Variants in CCT4 observed in about 807,000 individuals in gnomAD.
CCT4 encodes the protein T-complex protein 1 subunit delta.
A neutral mutation model predicts 62.5 loss-of-function variants in CCT4; 17 were observed. That is an observed-to-expected ratio of 0.27 (90% confidence interval 0.19 to 0.41). The LOEUF (loss-of-function observed/expected upper bound fraction) is 0.41, where lower values mean the gene tolerates loss of function less well. Ranked by LOEUF, CCT4 falls within the 10% of genes least tolerant of loss-of-function variation. The pLI, the probability that CCT4 is intolerant of heterozygous loss-of-function variation, is 1.00. For missense variants in CCT4, 592 were observed against 659.2 expected (o/e 0.90, Z 1.12); for synonymous variants, 250 against 229.9 (o/e 1.09, Z -0.79).
In CCT4 at chr2:61,883,507, A is replaced by G. The variant is rs762244363; in HGVS notation, c.222T>C (p.Gly74=). 26 of 1,602,270 alleles carry G rather than the reference A, an allele frequency of 1.6e-5. No individual in the cohort carries two copies. Among genetic ancestry groups the G allele is most frequent in the Non-Finnish European group, 2.1e-5 (25 of 1,175,036 alleles). Reference sequence around the variant, plus strand: ...CTTGCATTTGTTTCAGAATGGTAGCACCATCATTTGTAATGGTTACATCAC... The same window carrying G: ...CTTGCATTTGTTTCAGAATGGTAGCGCCATCATTTGTAATGGTTACATCAC... The part of the protein sequence containing the change: ...GKGDVTITND[G]ATILKQMQVL... The change falls in exon 3 of 14, where the codon GGT becomes GGC. Residue 74 remains glycine, a synonymous_variant. Coordinates refer to ENST00000394440, the MANE Select transcript of CCT4 (RefSeq NM_006430.4).
Position 61,888,470 on chromosome 2 carries a change from G to T in CCT4, c.38C>A (p.Ala13Asp). ...TTTCCCGCGGCCGCCGGCAGCCCCG[G>T]CAGTCGCCCCGCTCCGGGGTGCCAC... is the stretch of plus-strand genomic sequence containing the variant. Reference protein sequence around the residue: ...ENVAPRSGATAGAAGGRGKGA... With the variant: ...ENVAPRSGATDGAAGGRGKGA... Residue 13 changes from alanine to aspartate, a missense_variant, in exon 1 of 14, where the codon GCC (alanine) becomes GAC (aspartate). Ala to Asp is a moderately radical substitution (Grantham distance 126). Transcript: ENST00000394440. The T allele has an allele frequency of 6.2e-7, 1 of 1,612,026 alleles. No individual in the cohort carries two copies. The highest frequency in any genetic ancestry group is 8.5e-7 in the Non-Finnish European group (1 of 1,179,256).
At position 61,873,245 on chromosome 2, in the gene CCT4, G is replaced by T. The variant is rs76248080; in HGVS notation, c.966C>A (p.Ile322=). 206,212 of 1,521,780 alleles carry T rather than the reference G, an allele frequency of 0.14. 15,563 individuals carry two copies. Among genetic ancestry groups the T allele is most frequent in the Middle Eastern group, 0.25 (1,472 of 5,810 alleles). The allele number at this position is 1,521,780 out of a possible 1,614,324, so 94.3% of individuals were successfully genotyped here. A position where few individuals can be genotyped will look rare whatever the true frequency, so the allele number is the denominator to read the frequency against. The change falls in exon 9 of 14, where the codon ATC becomes ATA. Residue 322 remains isoleucine (I), a synonymous_variant. Coordinates refer to ENST00000394440, the MANE Select transcript of CCT4 (RefSeq NM_006430.4). The part of the protein sequence containing the change: ...LALHFLNKMK[I]MVIKDIERED... ...CTCTTTCAATATCCTTAATCACCAT[G>T]ATCTTCATTTTATTCAGAAAGTGTA...
chr2:61,880,476 T>C, intron 3 of CCT4, 82 bp from the exon 4 acceptor site: 1 of 751,790 alleles, frequency 1.3e-6, no homozygotes, highest in East Asian at 2.6e-5. Flanking sequence ...CGCACCAGTG[T>C]CACAAACAGA....
At chr2:61,885,143 T>C (rs1669221912) in intron 1 of CCT4, 71 bp from the exon 2 acceptor site, 13 of 1,251,796 alleles carry the variant, frequency 1.0e-5, no homozygotes, top group Non-Finnish European at 1.4e-5. Flanking sequence ...GGTCTTACTA[T>C]ATTGTCCAGG....
At chr2:61,882,040 TCTC>T (rs1053130909) in intron 3 of CCT4, among the ~76,000 whole-genome samples, 2 of 151,766 alleles carry the variant, frequency 1.3e-5, no homozygotes, top group African/African-American at 4.8e-5. Context: ...TTCAAGCAAT[TCTC>T]CTGTCTCTGC....
At chr2:61,870,648 G>A (rs567415564) in intron 12 of CCT4, among the ~76,000 whole-genome samples, 1 of 152,246 alleles carries the variant, frequency 6.6e-6, no homozygotes, top group East Asian at 1.9e-4. Flanking sequence ...GCCCCGCACC[G>A]TGGCTCACGC....
chr2:61,873,179 C>T lies in CCT4; in HGVS notation c.1014+18G>A, dbSNP rs571816651. The T allele has an allele frequency of 4.9e-6, 7 of 1,428,056 alleles. No homozygotes were observed. In the South Asian group the frequency reaches 6.9e-5, roughly 14 times the overall value. The allele number at this position is 1,428,056 out of a possible 1,614,324, so 88.5% of individuals were successfully genotyped here. On this transcript the variant is annotated intron_variant, in intron 9 of 13. Coordinates refer to ENST00000394440, the MANE Select transcript of CCT4 (RefSeq NM_006430.4). ...AATTATCAGACATTTTCCACAAATACAGATGTTAATGTTTTACCTTACAAA... is the reference window on the plus strand; with the variant it reads ...AATTATCAGACATTTTCCACAAATATAGATGTTAATGTTTTACCTTACAAA...
chr2:61,871,481 C>A (rs1322395923), intron 12 of CCT4, among the ~76,000 whole-genome samples: 1 of 152,160 alleles, frequency 6.6e-6, no homozygotes, highest in Non-Finnish European at 1.5e-5. Context: ...ATTTCCTCAT[C>A]CCCTACCAAC....
At chr2:61,870,752 C>G (rs1668866912) in intron 12 of CCT4, among the ~76,000 whole-genome samples, 1 of 152,042 alleles carries the variant, frequency 6.6e-6, no homozygotes. Context: ...AACACCATAT[C>G]TACTAAAAAA....
At position 61,872,656 on chromosome 2, in the gene CCT4, G is replaced by A. The variant is rs115370918; in HGVS notation, c.1126-68C>T. 5,005 of 1,548,342 alleles carry A rather than the reference G, an allele frequency of 3.2e-3. 83 individuals carry two copies. In the African/African-American group the frequency reaches 0.048, roughly 15 times the overall value. On this transcript the variant is annotated intron_variant, in intron 10 of 13. Coordinates refer to ENST00000394440, the MANE Select transcript of CCT4 (RefSeq NM_006430.4). ...AAAACCCCACACCCAGGCCGGGCAC[G>A]GCGGCTCACGCCTGTAAACCCAACA... is the stretch of plus-strand genomic sequence containing the variant.
At chr2:61,873,397 A>G (rs576867176) in intron 8 of CCT4, 104 bp from the exon 9 acceptor site, 7 of 608,644 alleles carry the variant, frequency 1.2e-5, no homozygotes, top group Non-Finnish European at 2.0e-5. Context: ...GCCAATCATT[A>G]TTTCTGAAGA....
At chr2:61,868,782 A>G in intron 13 of CCT4, 76 bp from the exon 14 acceptor site, 3 of 1,034,258 alleles carry the variant, frequency 2.9e-6, no homozygotes, top group Non-Finnish European at 4.6e-6. Flanking sequence ...AAGGCAATTA[A>G]TAAAAGGAAA....
In CCT4 at chr2:61,877,103, G is replaced by A. The variant is rs1669017655; in HGVS notation, c.645-51C>T. The A allele has an allele frequency of 2.0e-6, 3 of 1,512,618 alleles. No homozygotes were observed. In the East Asian group the frequency reaches 6.8e-5, roughly 34 times the overall value. 93.7% of individuals were successfully genotyped at this position (1,512,618 alleles called of 1,614,324 possible). On this transcript the variant is annotated intron_variant, in intron 6 of 13. Coordinates refer to ENST00000394440, the MANE Select transcript of CCT4 (RefSeq NM_006430.4). ...GGTAGTTAAGAGGGAGTGGACATCT[G>A]TACGTTTAATAGATGAACAGATTAA... is the stretch of plus-strand genomic sequence containing the variant.
At chr2:61,874,646 A>C (rs1378374147) in intron 8 of CCT4, among the ~76,000 whole-genome samples, 1 of 152,136 alleles carries the variant, frequency 6.6e-6, no homozygotes, top group East Asian at 1.9e-4. Context: ...GTGATCTGTC[A>C]AACTTCAGAG....
At chr2:61,880,170 GATTA>G (rs1669082722) in intron 4 of CCT4, 112 bp downstream of exon 4, 2 of 501,594 alleles carry the variant, frequency 4.0e-6, no homozygotes, top group Non-Finnish European at 7.0e-6. Context: ...TTGGTAAAAA[GATTA>G]GTTATTCCAA....
intron 7 of CCT4, 91 bp downstream of exon 7, chr2:61,876,829 C>A: frequency 9.3e-7 from 1 of 1,080,856 alleles, no homozygotes; most frequent in South Asian, 1.6e-5. Flanking sequence ...TGCTTTAAAT[C>A]ACTAGTAGTA....
chr2:61,888,605 C>G lies in CCT4; in HGVS notation c.-98G>C. 1 of 1,396,130 alleles carries G rather than the reference C, an allele frequency of 7.2e-7. No individual in the cohort carries two copies. 86.5% of individuals were successfully genotyped at this position (1,396,130 alleles called of 1,614,324 possible). On this transcript the variant is annotated 5_prime_UTR_variant, in exon 1 of 14. Transcript: ENST00000394440. ...TAACGGTAAGCCCTCACTGCCTTCA[C>G]GAACCTTCCAGAAAGCGGCGCCGGC...
chr2:61,885,892 T>C (rs1040758084), intron 1 of CCT4: 1 of 151,736 alleles, frequency 6.6e-6, no homozygotes, highest in Non-Finnish European at 1.5e-5. Context: ...GAGTATCCTT[T>C]TTCCAAAATG....
chr2:61,872,476 C>T lies in CCT4; in HGVS notation c.1238G>A (p.Arg413His), dbSNP rs1049997709. The change falls in exon 11 of 14, where the codon CGT becomes CAT. Residue 413 changes from arginine (R) to histidine (H), a missense_variant. By Grantham distance (29) the Arg-to-His change is conservative. Coordinates refer to ENST00000394440, the MANE Select transcript of CCT4 (RefSeq NM_006430.4). ...RSIHDALCVI[R>H]CLVKKRALIA... is the part of the protein sequence containing the mutation. ...ACATTACCTCTTCTTCACTAAACAA[C>T]GAATAACACATAGGGCATCATGAAT... is the stretch of plus-strand genomic sequence containing the variant. 1 of 1,612,886 alleles carries T rather than the reference C, an allele frequency of 6.2e-7. No individual in the cohort carries two copies.
Sources: allele counts gnomAD v4.1 joint callset (sites outside exome capture counted in the v4.1 genomes callset), GRCh38; gene constraint gnomAD v4.1.1; transcripts MANE v1.5; gene names NCBI Gene and HGNC (gene_info 2026-07-23, HGNC 2026-07-21).